SACS: variants seen among roughly 807,000 people sequenced by gnomAD.
The protein encoded by SACS is sacsin molecular chaperone, also known as sacsin.
A neutral mutation model predicts 348.0 loss-of-function variants in SACS; 197 were observed. That is an observed-to-expected ratio of 0.57 (90% CI 0.50 to 0.64). SACS has a LOEUF of 0.64. Ranked by LOEUF, SACS falls within the 30% of genes least tolerant of loss-of-function variation. The probability of loss-of-function intolerance (pLI) is 0.00; values close to 1 mark genes in which losing one functional copy is unlikely to be tolerated. For missense variants in SACS, 4,999 were observed against 5,360.8 expected, an observed-to-expected ratio of 0.93 and a Z score of 2.11; for synonymous variants, 1,985 against 1,910.6, an observed-to-expected ratio of 1.04 and a Z score of -1.02.
Position 23,353,867 on chromosome 13 carries a change from GA to G in SACS, c.2102del (p.Phe701SerfsTer13), listed in dbSNP as rs1444292973. ...ITSAEYPRSLFPSLEGRFILD... is the reference protein window; with the variant it reads ...ITSAEYPRSLXPSLEGRFILD... ...AAATAAATCTTCCTTCAAGACTTGG[GA>G]AAAGGGACCTGAAAAGGGAAAGGAA... On this transcript the variant is annotated frameshift_variant, in exon 9 of 10. Coordinates refer to ENST00000382292, the MANE Select transcript of SACS (RefSeq NM_014363.6). LOFTEE classifies it high-confidence loss of function. The G allele has an allele frequency of 2.5e-6, 4 of 1,591,452 alleles. No homozygotes were observed. Among genetic ancestry groups the G allele is most frequent in the Non-Finnish European group, 2.6e-6 (3 of 1,159,608 alleles).
At chr13:23,392,063 G>A (rs954540392) in intron 2 of SACS, among the ~76,000 whole-genome samples, 4 of 152,134 alleles carry the variant, frequency 2.6e-5, no homozygotes, top group South Asian at 2.1e-4. Flanking sequence ...AATGGAGCCC[G>A]GAGCTGGGAG....
intron 2 of SACS, among the ~76,000 whole-genome samples, chr13:23,397,152 T>TAA (rs34788952): frequency 1.3e-5 from 2 of 151,732 alleles, no homozygotes; most frequent in Non-Finnish European, 2.9e-5. Flanking sequence ...TTCTCTCTGT[T>TAA]AAAAAAAGGT....
intron 1 of SACS, among the ~76,000 whole-genome samples, chr13:23,426,152 T>A (rs1222414880): frequency 6.6e-6 from 1 of 152,154 alleles, no homozygotes; most frequent in Non-Finnish European, 1.5e-5. Flanking sequence ...ACTGAGTGCC[T>A]GACACAAGTA....
intron 2 of SACS, among the ~76,000 whole-genome samples, chr13:23,406,309 C>T (rs183670950): frequency 8.3e-4 from 125 of 151,248 alleles, no homozygotes; most frequent in African/African-American, 2.4e-3. Context: ...TGTTCTCACT[C>T]GTAAGTGGGA....
chr13:23,339,786 T>C lies in SACS; in HGVS notation c.4090A>G (p.Arg1364Gly). ...GGAATCTGATTGCTATACAGCCATC[T>C]GATAATATTCAACATAAGATGAAGA... ...QNLHLMLNII[R>G]WLYSNQIPAS... is the part of the protein sequence containing the mutation. Residue 1364 changes from arginine (R) to glycine (G), a missense_variant, in exon 10 of 10, where the codon AGA becomes GGA. Physicochemically the swap from Arg to Gly is moderately radical, Grantham distance 125. Coordinates refer to ENST00000382292, the MANE Select transcript of SACS (RefSeq NM_014363.6). 6.2e-7 allele frequency: 1 copy of C among 1,613,898 alleles called. No homozygotes were observed. Among genetic ancestry groups the C allele is most frequent in the East Asian group, 2.2e-5 (1 of 44,878 alleles).
chr13:23,393,915 C>T (rs1006667819), intron 2 of SACS, among the ~76,000 whole-genome samples: 3 of 152,086 alleles, frequency 2.0e-5, no homozygotes, highest in Non-Finnish European at 2.9e-5. Flanking sequence ...CGCCTGCCAC[C>T]GCGCCCGGCT....
rs775926481 is a variant in SACS, at chr13:23,338,517, C to G, written c.5359G>C (p.Asp1787His). 1.9e-6 allele frequency: 3 copies of G among 1,614,166 alleles called. No homozygotes were observed. Among genetic ancestry groups the G allele is most frequent in the Non-Finnish European group, 1.7e-6 (2 of 1,180,010 alleles). Residue 1787 changes from aspartate to histidine, a missense_variant, in exon 10 of 10, where the codon GAT becomes CAT. By Grantham distance (81) the Asp-to-His change is moderately conservative. Transcript: ENST00000382292. ...ATTTCAAAGAGAGCAGCTGGGTCAT[C>G]ATCTGGACCTCTAAAAAGTGGCGAC... ...LQSPLFRGPD[D>H]DPAALFEMAK...
Position 23,336,666 on chromosome 13 carries a change from A to G in SACS, c.7210T>C (p.Leu2404=). The change falls in exon 10 of 10, where the codon TTG becomes CTG. Residue 2404 remains leucine, a synonymous_variant. Transcript: ENST00000382292. ...CCTCTTTCTTGATCAATAGATTCCA[A>G]AACAAGAGCAAAATCTTCAACAGTG... ...SCTVEDFALV[L]ESIDQERGTK... is the part of the protein sequence containing the mutation. 1.2e-6 allele frequency: 2 copies of G among 1,613,870 alleles called. No homozygotes were observed. Among genetic ancestry groups the G allele is most frequent in the Non-Finnish European group, 8.5e-7 (1 of 1,179,896 alleles).
At chr13:23,377,642 G>C (rs1392523441) in intron 2 of SACS, among the ~76,000 whole-genome samples, 1 of 152,140 alleles carries the variant, frequency 6.6e-6, no homozygotes, top group Non-Finnish European at 1.5e-5. Context: ...CTCCTGTGTG[G>C]CCTGTGCATA....
At position 23,363,427 on chromosome 13, in the gene SACS, A is replaced by G. The variant is rs184894593; in HGVS notation, c.457+1739T>C. On this transcript the variant is annotated intron_variant, in intron 6 of 9. Transcript: ENST00000382292. ...ATTTTTAGTAGAGACAGGTTTCAAC[A>G]TGTTGGCCAGGCTGGTCTCGAATTC... Among the ~76,000 whole-genome samples, 35 of 150,582 alleles carry G rather than the reference A, an allele frequency of 2.3e-4. No individual in the cohort carries two copies. In the East Asian group the frequency reaches 6.4e-3, roughly 27 times the overall value.
rs775081172 is a variant in SACS, at chr13:23,358,453, C to T, written c.486G>A (p.Ala162=). 3 of 1,614,010 alleles carry T rather than the reference C, an allele frequency of 1.9e-6. No individual in the cohort carries two copies. The highest frequency in any genetic ancestry group is 1.7e-5 in the Admixed American group (1 of 59,986). Residue 162 remains alanine (A), a synonymous_variant, in exon 7 of 10, where the codon GCG becomes GCA. Coordinates refer to ENST00000382292, the MANE Select transcript of SACS (RefSeq NM_014363.6). The stretch of plus-strand genomic sequence containing the variant: ...CGTGCCAGTCCTCTGGGGTGAAAAC[C>T]GCGTTGTTGTACACATAGAGAGCTG... ...QGPALYVYNN[A]VFTPEDWHGI...
In SACS at chr13:23,336,646, T is replaced by C. The variant is rs765300147; in HGVS notation, c.7230A>G (p.Glu2410=). 1.2e-6 allele frequency: 2 copies of C among 1,613,744 alleles called. No individual in the cohort carries two copies. The highest frequency in any genetic ancestry group is 4.5e-5 in the East Asian group (2 of 44,874). The change falls in exon 10 of 10, where the codon GAA becomes GAG. Residue 2410 remains glutamate (E), a synonymous_variant. Coordinates refer to ENST00000382292, the MANE Select transcript of SACS (RefSeq NM_014363.6). ...CTTCTGTTATTTGCTTTGTTCCTCT[T>C]TCTTGATCAATAGATTCCAAAACAA... is the stretch of plus-strand genomic sequence containing the variant. ...FALVLESIDQ[E]RGTKQITEEN...
intron 2 of SACS, among the ~76,000 whole-genome samples, chr13:23,394,966 C>T (rs1872655064): frequency 6.6e-6 from 1 of 152,212 alleles, no homozygotes; most frequent in African/African-American, 2.4e-5. Context: ...TCAGTTCTGA[C>T]TGATTTATTA....
At chr13:23,375,085 G>A (rs750102361) in intron 3 of SACS, 34 bp downstream of exon 3, 11 of 1,455,492 alleles carry the variant, frequency 7.6e-6, no homozygotes, top group Middle Eastern at 2.0e-4. Flanking sequence ...TCCGCGTGGC[G>A]GAGCCCAGCC....
At chr13:23,359,290 C>A (rs1186301815) in intron 6 of SACS, among the ~76,000 whole-genome samples, 1 of 152,176 alleles carries the variant, frequency 6.6e-6, no homozygotes, top group African/African-American at 2.4e-5. Context: ...TATACACACA[C>A]ACATATATCT....
chr13:23,357,515 C>T (rs1870470297), intron 7 of SACS, among the ~76,000 whole-genome samples: 1 of 152,290 alleles, frequency 6.6e-6, no homozygotes, highest in East Asian at 1.9e-4. Flanking sequence ...TAGTACCACC[C>T]TCCTTCACTC....
At chr13:23,365,139 A>C (rs1407464348) in intron 6 of SACS, 27 bp downstream of exon 6, 1 of 1,465,776 alleles carries the variant, frequency 6.8e-7, no homozygotes, top group African/African-American at 1.4e-5. Flanking sequence ...CATACAATAA[A>C]ATTTGTTCCT....
At chr13:23,431,172 G>A (rs1874419631) in intron 1 of SACS, among the ~76,000 whole-genome samples, 1 of 152,230 alleles carries the variant, frequency 6.6e-6, no homozygotes, top group African/African-American at 2.4e-5. Flanking sequence ...TGTAAACTGA[G>A]GCTACCCCAA....
At chr13:23,346,840 A>C (rs1287186513) in intron 9 of SACS, 1 of 981,932 alleles carries the variant, frequency 1.0e-6, no homozygotes, top group Non-Finnish European at 1.2e-6. Context: ...TTGTTGTGCT[A>C]GAATACAATT....
Sources: gnomAD v4.1 joint callset for allele counts (sites outside exome capture counted in the v4.1 genomes callset) on GRCh38, gnomAD v4.1.1 for gene constraint, MANE v1.5 for transcripts, NCBI Gene and HGNC (gene_info 2026-07-23, HGNC 2026-07-21) for gene names.